Variants in RUNX2 observed in about 807,000 individuals in gnomAD.
The protein encoded by RUNX2 is RUNX family transcription factor 2.
Under a neutral mutation model 51.7 loss-of-function variants are expected in RUNX2, and 10 were observed. The ratio of observed to expected loss-of-function variants is 0.19; its 90% confidence interval spans 0.12 to 0.33. The LOEUF (loss-of-function observed/expected upper bound fraction) is 0.33. Ranked by LOEUF, RUNX2 falls within the 10% of genes least tolerant of loss-of-function variation. RUNX2 has a pLI of 1.00. For synonymous variants in RUNX2, 276 were observed against 273.6 expected (o/e 1.01, Z -0.09); for missense variants, 562 against 691.3 (o/e 0.81, Z 2.10).
intron 7 of RUNX2, among the ~76,000 whole-genome samples, chr6:45,524,733 G>A (rs988542480): frequency 4.6e-5 from 7 of 152,126 alleles, no homozygotes; most frequent in South Asian, 2.1e-4. Flanking sequence ...TGATAATAGC[G>A]TTATGGTACT....
chr6:45,447,678 G>A (rs984152196), intron 5 of RUNX2, among the ~76,000 whole-genome samples: 9 of 152,068 alleles, frequency 5.9e-5, no homozygotes, highest in Non-Finnish European at 1.3e-4. Flanking sequence ...GTCATTATCG[G>A]TGTTTAAAAA....
At chr6:45,536,606 G>C (rs1652741308) in intron 7 of RUNX2, among the ~76,000 whole-genome samples, 1 of 152,206 alleles carries the variant, frequency 6.6e-6, no homozygotes, top group Admixed American at 6.5e-5. Context: ...GTCAGGTTTT[G>C]TGTGATTCGG....
chr6:45,438,131 G>A lies in RUNX2; in HGVS notation c.685+80G>A, dbSNP rs1190797648. 4 of 913,038 alleles carry A rather than the reference G, an allele frequency of 4.4e-6. No homozygotes were observed. In the African/African-American group the frequency reaches 4.9e-5, roughly 11 times the overall value. The allele number at this position is 913,038 out of a possible 1,614,324, so 56.6% of individuals were successfully genotyped here. A position where few individuals can be genotyped will look rare whatever the true frequency, so the allele number is the denominator to read the frequency against. On this transcript the variant is annotated intron_variant, in intron 5 of 8. Coordinates refer to ENST00000647337, the MANE Select transcript of RUNX2 (RefSeq NM_001024630.4). ...AGGAATTTATTCCAAATGAGTTAGT[G>A]TCACTTTCATGTCCATAGTGTCTTT...
chr6:45,379,099 C>T (rs1444205749), intron 2 of RUNX2, among the ~76,000 whole-genome samples: 1 of 152,058 alleles, frequency 6.6e-6, no homozygotes, highest in East Asian at 1.9e-4. Context: ...TGGTTATTTC[C>T]TCTGTGGATT....
At chr6:45,461,899 A>G (rs1799488503) in intron 5 of RUNX2, among the ~76,000 whole-genome samples, 1 of 152,040 alleles carries the variant, frequency 6.6e-6, no homozygotes, top group Admixed American at 6.5e-5. Context: ...TTTAAATGTG[A>G]TTTGACAATA....
intron 4 of RUNX2, 38 bp downstream of exon 4, chr6:45,432,057 C>T: frequency 6.3e-7 from 1 of 1,595,140 alleles, no homozygotes. Flanking sequence ...ATAGAATAAG[C>T]ACATTAGGCT....
chr6:45,394,760 T>C (rs1250792399), intron 2 of RUNX2, among the ~76,000 whole-genome samples: 2 of 152,196 alleles, frequency 1.3e-5, no homozygotes, highest in Non-Finnish European at 2.9e-5. Flanking sequence ...GGTATTTTAC[T>C]TCCCCCAGCT....
chr6:45,408,879 G>C (rs1341957533), intron 2 of RUNX2, among the ~76,000 whole-genome samples: 1 of 152,170 alleles, frequency 6.6e-6, no homozygotes, highest in Non-Finnish European at 1.5e-5. Flanking sequence ...AGCTTACTGG[G>C]TAAAGGACAC....
chr6:45,478,400 T>C (rs2150398144), intron 5 of RUNX2, among the ~76,000 whole-genome samples: 1 of 152,346 alleles, frequency 6.6e-6, no homozygotes, highest in Middle Eastern at 3.4e-3. Flanking sequence ...GTGTTGTAGA[T>C]ACTTTGTTTT....
intron 2 of RUNX2, among the ~76,000 whole-genome samples, chr6:45,387,300 G>A (rs534755778): frequency 6.6e-6 from 1 of 152,126 alleles, no homozygotes; most frequent in Non-Finnish European, 1.5e-5. Context: ...GAATATTCAG[G>A]CAAAATAGTC....
intron 5 of RUNX2, among the ~76,000 whole-genome samples, chr6:45,468,733 A>G (rs1799713063): frequency 1.3e-5 from 2 of 152,170 alleles, no homozygotes; most frequent in Admixed American, 1.3e-4. Context: ...ATGTCCCAAA[A>G]GTCATGAGGA....
intron 5 of RUNX2, among the ~76,000 whole-genome samples, chr6:45,464,623 G>C (rs569899561): frequency 6.6e-6 from 1 of 152,120 alleles, no homozygotes; most frequent in African/African-American, 2.4e-5. Context: ...GTCAATGTCC[G>C]AGCATTATCC....
chr6:45,487,553 A>G (rs1800320293), intron 5 of RUNX2, among the ~76,000 whole-genome samples: 3 of 152,318 alleles, frequency 2.0e-5, no homozygotes, highest in South Asian at 2.1e-4. Flanking sequence ...AGGAAGCACC[A>G]GTAAGGGCTT....
chr6:45,330,013 C>T (rs1346307439), intron 2 of RUNX2, among the ~76,000 whole-genome samples: 5 of 151,700 alleles, frequency 3.3e-5, no homozygotes, highest in African/African-American at 4.8e-5. Flanking sequence ...TAACTGGATA[C>T]TACTAGAGGA....
At chr6:45,465,809 T>C (rs1799613656) in intron 5 of RUNX2, among the ~76,000 whole-genome samples, 1 of 151,754 alleles carries the variant, frequency 6.6e-6, no homozygotes, top group Non-Finnish European at 1.5e-5. Flanking sequence ...CTAATTTTTT[T>C]TTTTTTTTGT....
intron 5 of RUNX2, among the ~76,000 whole-genome samples, chr6:45,469,530 A>G (rs1799736120): frequency 6.6e-6 from 1 of 152,232 alleles, no homozygotes; most frequent in African/African-American, 2.4e-5. Flanking sequence ...ATTATTATTA[A>G]AGATAAGATC....
intron 2 of RUNX2, among the ~76,000 whole-genome samples, chr6:45,415,283 A>T (rs1798044583): frequency 6.6e-6 from 1 of 152,230 alleles, no homozygotes; most frequent in African/African-American, 2.4e-5. Context: ...ACTAAAAATA[A>T]CTCTAAAGAA....
chr6:45,545,273 A>G lies in RUNX2; in HGVS notation c.1078A>G (p.Ser360Gly), dbSNP rs1468281184. The change falls in exon 8 of 9, where the codon AGC becomes GGC. Residue 360 changes from serine (S) to glycine (G), a missense_variant. By Grantham distance (56) the Ser-to-Gly change is moderately conservative. Coordinates refer to ENST00000647337, the MANE Select transcript of RUNX2 (RefSeq NM_001024630.4). Reference protein sequence around the residue: ...CLWPSTLSKKSQAGASELGPF... With the variant: ...CLWPSTLSKKGQAGASELGPF... ...CTGGCCTTCCACTCTCAGTAAGAAG[A>G]GCCAGGCAGGTGAGACTTTTAACAA... is the stretch of plus-strand genomic sequence containing the variant. 1.3e-6 allele frequency: 2 copies of G among 1,550,146 alleles called. No individual in the cohort carries two copies. The highest frequency in any genetic ancestry group is 3.9e-5 in the Admixed American group (2 of 50,994).
chr6:45,361,639 G>C (rs12194628), intron 2 of RUNX2: 33,174 of 152,170 alleles, frequency 0.22, 4,426 homozygotes, highest in Non-Finnish European at 0.31. Flanking sequence ...GTTATTCAAA[G>C]GAGCTGTGAT....
Sources: gnomAD v4.1 joint callset for allele counts (sites outside exome capture counted in the v4.1 genomes callset) on GRCh38, gnomAD v4.1.1 for gene constraint, MANE v1.5 for transcripts, NCBI Gene and HGNC (gene_info 2026-07-23, HGNC 2026-07-21) for gene names.